Variants in PSG2 observed in about 807,000 individuals in gnomAD.
PSG2 encodes pregnancy specific beta-1-glycoprotein 2.
PSG2 carries 49 observed loss-of-function variants against 36.2 expected under a neutral mutation model. The observed-to-expected ratio is 1.35, with a 90% CI of 1.08 to 1.72. PSG2 has a LOEUF of 1.72. Ranked by LOEUF, PSG2 falls within the 40% of genes most tolerant of loss-of-function variation. The probability of loss-of-function intolerance (pLI) is 0.00; values close to 1 mark genes in which losing one functional copy is unlikely to be tolerated. For synonymous variants in PSG2, 261 were observed against 155.6 expected (o/e 1.68, Z -5.04); for missense variants, 605 against 407.2 (o/e 1.49, Z -4.18).
At chr19:43,066,772 T>C (rs1437283482) in intron 4 of PSG2, among the ~76,000 whole-genome samples, 172 bp from the exon 5 acceptor site, 1 of 151,616 alleles carries the variant, frequency 6.6e-6, no homozygotes, top group Non-Finnish European at 1.5e-5. Flanking sequence ...TTTTTTTCCC[T>C]CTCACCATGT....
chr19:43,078,122 C>T (rs954399445), intron 2 of PSG2, among the ~76,000 whole-genome samples: 1 of 151,810 alleles, frequency 6.6e-6, no homozygotes, highest in Non-Finnish European at 1.5e-5. Flanking sequence ...GCATGGCTGA[C>T]TCCATCTGGC....
intron 2 of PSG2, among the ~76,000 whole-genome samples, chr19:43,077,115 A>G (rs536386478): frequency 6.6e-6 from 1 of 151,844 alleles, no homozygotes; most frequent in South Asian, 2.1e-4. Flanking sequence ...TCATAAGTGG[A>G]AATTTTTACT....
At chr19:43,072,446 G>C (rs1967833245) in intron 3 of PSG2, 1 of 1,611,808 alleles carries the variant, frequency 6.2e-7, no homozygotes, top group East Asian at 2.2e-5. Flanking sequence ...CGTGACACTG[G>C]GTAGAATGAG....
In PSG2 at chr19:43,066,527, T is replaced by C; in HGVS notation, c.*30A>G. On this transcript the variant is annotated 3_prime_UTR_variant, in exon 5 of 6. Transcript: ENST00000406487. ...AAAAGGCCATCATACCTGCCAGTCT[T>C]CCTGAAATACAGAAATGACATCACA... 2 of 1,568,646 alleles carry C rather than the reference T, an allele frequency of 1.3e-6. No individual in the cohort carries two copies. Among genetic ancestry groups the C allele is most frequent in the Non-Finnish European group, 1.8e-6 (2 of 1,139,794 alleles).
chr19:43,070,019 A>G (rs1209338275), intron 4 of PSG2, among the ~76,000 whole-genome samples: 2 of 151,942 alleles, frequency 1.3e-5, no homozygotes, highest in Admixed American at 6.6e-5. Flanking sequence ...TTAAAAAATG[A>G]ACAAAAGATT....
chr19:43,075,916 C>T (rs889359827), intron 2 of PSG2, among the ~76,000 whole-genome samples: 5 of 151,530 alleles, frequency 3.3e-5, no homozygotes. Flanking sequence ...CCCCTGGTGC[C>T]TCTCTGAGTC....
At chr19:43,073,857 G>A (rs1967853702) in intron 3 of PSG2, among the ~76,000 whole-genome samples, 1 of 151,732 alleles carries the variant, frequency 6.6e-6, no homozygotes, top group Non-Finnish European at 1.5e-5. Flanking sequence ...TGAAATATTT[G>A]TCATATACTT....
chr19:43,077,928 T>C (rs976437483), intron 2 of PSG2, among the ~76,000 whole-genome samples: 4 of 151,682 alleles, frequency 2.6e-5, no homozygotes, highest in African/African-American at 9.7e-5. Flanking sequence ...GCTTGTTATA[T>C]GCCTGACCGG....
intron 3 of PSG2, among the ~76,000 whole-genome samples, chr19:43,073,583 CTG>C (rs1967849767): frequency 6.6e-6 from 1 of 151,690 alleles, no homozygotes; most frequent in Non-Finnish European, 1.5e-5. Context: ...ACAATCTACT[CTG>C]TGATTCCCTG....
intron 3 of PSG2, among the ~76,000 whole-genome samples, chr19:43,073,007 T>C (rs1264457071): frequency 1.3e-5 from 2 of 151,716 alleles, no homozygotes; most frequent in Non-Finnish European, 2.9e-5. Flanking sequence ...AATTCCATCC[T>C]ACTTTGCCCC....
intron 3 of PSG2, among the ~76,000 whole-genome samples, chr19:43,073,169 G>A (rs1426825310): frequency 3.3e-5 from 5 of 151,962 alleles, no homozygotes; most frequent in South Asian, 2.1e-4. Context: ...GGAGACCAGA[G>A]TCAAGCCTGG....
At chr19:43,081,768 C>G (rs1967979188) in intron 1 of PSG2, 1 of 162,794 alleles carries the variant, frequency 6.1e-6, no homozygotes, top group South Asian at 1.7e-4. Flanking sequence ...TTGGTTGCAC[C>G]CCAGTGCCTG....
At chr19:43,079,160 G>A (rs1266538301) in intron 2 of PSG2, among the ~76,000 whole-genome samples, 1 of 151,580 alleles carries the variant, frequency 6.6e-6, no homozygotes, top group African/African-American at 2.4e-5. Flanking sequence ...GAATGAAGTG[G>A]GAGGAAGATG....
chr19:43,073,434 C>T (rs4480914), intron 3 of PSG2, among the ~76,000 whole-genome samples: 44,865 of 151,314 alleles, frequency 0.3, 8,733 homozygotes, highest in African/African-American at 0.53. Flanking sequence ...GAAATACATG[C>T]GGACATTTGC....
Position 43,075,500 on chromosome 19 carries a change from G to C in PSG2, c.563C>G (p.Pro188Arg), listed in dbSNP as rs146266379. ...YQWWMNGQSLPMTHRFQLSET... is the reference protein window; with the variant it reads ...YQWWMNGQSLRMTHRFQLSET... ...GGACAGCTGAAACCTATGAGTCATA[G>C]GGAGGCTCTGACCATTCATCCACCA... is the stretch of plus-strand genomic sequence containing the variant. The change falls in exon 3 of 6, where the codon CCT becomes CGT. Residue 188 changes from proline (P) to arginine (R), a missense_variant. Pro to Arg is a moderately radical substitution (Grantham distance 103). Transcript: ENST00000406487. The C allele has an allele frequency of 1.1e-4, 171 of 1,613,100 alleles. No individual in the cohort carries two copies. The highest frequency in any genetic ancestry group is 1.4e-4 in the Non-Finnish European group (161 of 1,179,718).
At position 43,080,866 on chromosome 19, in the gene PSG2, T is replaced by C. The variant is rs777220553; in HGVS notation, c.430+15A>G. The C allele has an allele frequency of 3.1e-6, 5 of 1,611,804 alleles. No homozygotes were observed. The East Asian group carries it at 1.1e-4, about 36-fold the overall frequency. On this transcript the variant is annotated intron_variant, in intron 2 of 5. Transcript: ENST00000406487. ...CCTGTCCCCCAACACCCAGGGATCATGTGGAATCACTTACGGTATAAGGTG... is the reference window on the plus strand; with the variant it reads ...CCTGTCCCCCAACACCCAGGGATCACGTGGAATCACTTACGGTATAAGGTG...
At chr19:43,080,651 G>T (rs1462682800) in intron 2 of PSG2, among the ~76,000 whole-genome samples, 1 of 151,632 alleles carries the variant, frequency 6.6e-6, no homozygotes, top group Non-Finnish European at 1.5e-5. Flanking sequence ...CCCCCCATCA[G>T]ACTGTCCTTC....
At position 43,080,812 on chromosome 19, in the gene PSG2, A is replaced by T; in HGVS notation, c.430+69T>A. ...GACACAGGCACAGTCTAGGCCTGAC[A>T]ATCCTGTGTGTGTGAAGTAGAAATG... is the stretch of plus-strand genomic sequence containing the variant. On this transcript the variant is annotated intron_variant, in intron 2 of 5. Coordinates refer to ENST00000406487, the MANE Select transcript of PSG2 (RefSeq NM_031246.4). The T allele has an allele frequency of 2.5e-6, 4 of 1,611,844 alleles. No homozygotes were observed. The South Asian group carries it at 3.3e-5, about 13-fold the overall frequency.
chr19:43,071,492 C>T (rs111812640), intron 4 of PSG2, among the ~76,000 whole-genome samples: 10 of 151,486 alleles, frequency 6.6e-5, no homozygotes, highest in South Asian at 2.1e-4. Context: ...CTTTCTCAGG[C>T]GAGACACAAG....
Sources: gnomAD v4.1 joint callset for allele counts (sites outside exome capture counted in the v4.1 genomes callset) on GRCh38, gnomAD v4.1.1 for gene constraint, MANE v1.5 for transcripts, NCBI Gene and HGNC (gene_info 2026-07-23, HGNC 2026-07-21) for gene names.